RALGAPA2: variants seen among roughly 807,000 people sequenced by gnomAD.
RALGAPA2 encodes the protein Ral GTPase activating protein catalytic subunit alpha 2.
A neutral mutation model predicts 230.4 loss-of-function variants in RALGAPA2; 139 were observed. The observed-to-expected ratio is 0.60, with a 90% CI of 0.53 to 0.69. The LOEUF is 0.69. Ranked by LOEUF, RALGAPA2 falls within the 30% of genes least tolerant of loss-of-function variation. The pLI, the probability that RALGAPA2 is intolerant of heterozygous loss-of-function variation, is 0.00. For synonymous variants in RALGAPA2, 847 were observed against 837.8 expected, an observed-to-expected ratio of 1.01 and a Z score of -0.19; for missense variants, 2,163 against 2,276.0, an observed-to-expected ratio of 0.95 and a Z score of 1.01.
In RALGAPA2 at chr20:20,398,514, T is replaced by C. The variant is rs2059764895; in HGVS notation, c.5618-1780A>G. 6.6e-6 allele frequency among the ~76,000 whole-genome samples: 1 copy of C among 152,162 alleles called. No homozygotes were observed. Among genetic ancestry groups the C allele is most frequent in the African/African-American group, 2.4e-5 (1 of 41,440 alleles). On this transcript the variant is annotated intron_variant, in intron 38 of 39. Coordinates refer to ENST00000202677, the MANE Select transcript of RALGAPA2 (RefSeq NM_020343.4). The surrounding 1 kb of genome is among the most constrained non-coding windows in gnomAD (Gnocchi z 4.5). ...TTATTCCATGGGGCTCAAATGTCAC[T>C]TGCCCTTGACACACGGCGGTGCTCC...
chr20:20,556,095 T>C (rs1470849416), intron 23 of RALGAPA2, among the ~76,000 whole-genome samples: 3 of 152,190 alleles, frequency 2.0e-5, no homozygotes, highest in African/African-American at 7.2e-5. Flanking sequence ...GCAACCTTTT[T>C]GCAATATATT....
At chr20:20,694,512 G>A (rs1002918898) in intron 1 of RALGAPA2, among the ~76,000 whole-genome samples, 1 of 152,124 alleles carries the variant, frequency 6.6e-6, no homozygotes, top group African/African-American at 2.4e-5. Context: ...ACAAGAAAAC[G>A]AAGGCCCTTC....
chr20:20,457,372 C>A (rs1261111593), intron 37 of RALGAPA2, among the ~76,000 whole-genome samples: 1 of 152,194 alleles, frequency 6.6e-6, no homozygotes, highest in African/African-American at 2.4e-5. Flanking sequence ...TTGTCGCACA[C>A]ACGAGTTTGC....
intron 37 of RALGAPA2, among the ~76,000 whole-genome samples, chr20:20,422,997 A>C (rs2060309648): frequency 6.6e-6 from 1 of 152,170 alleles, no homozygotes; most frequent in Non-Finnish European, 1.5e-5. Context: ...AGGTTTTAAA[A>C]CAGATGAACA....
Position 20,635,498 on chromosome 20 carries a change from T to A in RALGAPA2, c.925A>T (p.Thr309Ser). 1 of 1,600,262 alleles carries A rather than the reference T, an allele frequency of 6.2e-7. No homozygotes were observed. Among genetic ancestry groups the A allele is most frequent in the Non-Finnish European group, 8.5e-7 (1 of 1,174,924 alleles). ...ARVVFIKWIV[T>S]FFLEKKYLTA... ...AGATACTTTTTTTCCAAAAAGAAGG[T>A]TACAATCCACTTAATAAAAACAACA... is the stretch of plus-strand genomic sequence containing the variant. The change falls in exon 9 of 40, where the codon ACC becomes TCC. Residue 309 changes from threonine (T) to serine (S), a missense_variant. Coordinates refer to ENST00000202677, the MANE Select transcript of RALGAPA2 (RefSeq NM_020343.4).
chr20:20,687,110 G>T (rs977376762), intron 1 of RALGAPA2, among the ~76,000 whole-genome samples: 2 of 152,188 alleles, frequency 1.3e-5, no homozygotes, highest in Non-Finnish European at 2.9e-5. Flanking sequence ...GGCACTGAAG[G>T]CCTGATGATC....
At chr20:20,647,395 G>A (rs1383288232) in intron 4 of RALGAPA2, among the ~76,000 whole-genome samples, 1 of 151,258 alleles carries the variant, frequency 6.6e-6, no homozygotes, top group South Asian at 2.1e-4. Context: ...AATACGAACA[G>A]AGAACTTCCT....
rs2122568238 is a variant in RALGAPA2, at chr20:20,391,458, G to A, written c.*1831C>T. 1 of 152,322 alleles carries A rather than the reference G, an allele frequency of 6.6e-6. No individual in the cohort carries two copies. Among genetic ancestry groups the A allele is most frequent in the East Asian group, 1.9e-4 (1 of 5,166 alleles). The allele number at this position is 152,322 out of a possible 1,614,324, so 9.4% of individuals were successfully genotyped here. On this transcript the variant is annotated 3_prime_UTR_variant, in exon 40 of 40. Coordinates refer to ENST00000202677, the MANE Select transcript of RALGAPA2 (RefSeq NM_020343.4). ...CTCTTCTGTTCAGGTGGTTCTCAAG[G>A]TGCTCCTGTCAGTGGGCCTGGCCTG...
intron 23 of RALGAPA2, among the ~76,000 whole-genome samples, chr20:20,556,778 T>C (rs1160056156): frequency 6.6e-6 from 1 of 152,036 alleles, no homozygotes; most frequent in Non-Finnish European, 1.5e-5. Flanking sequence ...TTGCCAAAGC[T>C]CAGGGATAAG....
intron 24 of RALGAPA2, among the ~76,000 whole-genome samples, chr20:20,545,574 T>C (rs1359634470): frequency 6.6e-6 from 1 of 152,186 alleles, no homozygotes; most frequent in African/African-American, 2.4e-5. Flanking sequence ...GAAAAAGTAA[T>C]CTCATATCAA....
intron 34 of RALGAPA2, 54 bp from the exon 35 acceptor site, chr20:20,503,560 C>A: frequency 2.2e-6 from 3 of 1,393,612 alleles, no homozygotes; most frequent in South Asian, 3.1e-5. Flanking sequence ...GCTGCTCTTT[C>A]ACTAAGCAGG....
chr20:20,425,935 AG>A (rs1202430334), intron 37 of RALGAPA2, among the ~76,000 whole-genome samples: 1 of 152,218 alleles, frequency 6.6e-6, no homozygotes, highest in Non-Finnish European at 1.5e-5. Context: ...TGGCTCACTT[AG>A]GAAGAAGCTA....
intron 23 of RALGAPA2, among the ~76,000 whole-genome samples, chr20:20,547,613 C>A (rs1229294765): frequency 1.3e-5 from 2 of 152,300 alleles, no homozygotes; most frequent in Admixed American, 1.3e-4. Flanking sequence ...CATGGCCAGG[C>A]CACATCTCTG....
intron 39 of RALGAPA2, among the ~76,000 whole-genome samples, chr20:20,394,301 A>G (rs1324044283): frequency 6.6e-6 from 1 of 152,120 alleles, no homozygotes; most frequent in South Asian, 2.1e-4. Context: ...GTACTTTCAG[A>G]GTCCAGGGGC....
In RALGAPA2 at chr20:20,601,697, G is replaced by A. The variant is rs368303702; in HGVS notation, c.2188C>T (p.Arg730Cys). Residue 730 changes from arginine (R) to cysteine (C), a missense_variant, in exon 16 of 40, where the codon CGC (arginine) becomes TGC (cysteine). Coordinates refer to ENST00000202677, the MANE Select transcript of RALGAPA2 (RefSeq NM_020343.4). ...PGVEKARNIV[R>C]QKATEVEECQ... ...AAATGTTTACCAGTTGCTTTTTGGC[G>A]AACAATATTTCTTGCCTTTTCCACT... The A allele has an allele frequency of 2.9e-5, 46 of 1,609,152 alleles. No homozygotes were observed. The highest frequency in any genetic ancestry group is 2.7e-4 in the African/African-American group (20 of 74,592).
intron 6 of RALGAPA2, 38 bp downstream of exon 6, chr20:20,640,663 A>T: frequency 6.5e-7 from 1 of 1,548,666 alleles, no homozygotes. Flanking sequence ...TAAGTTCAAG[A>T]GTAATTTCAA....
chr20:20,442,160 G>A (rs1417535415), intron 37 of RALGAPA2, among the ~76,000 whole-genome samples: 1 of 152,250 alleles, frequency 6.6e-6, no homozygotes, highest in Non-Finnish European at 1.5e-5. Flanking sequence ...TCTTGGGCAA[G>A]TCATTCAGCT....
chr20:20,458,501 A>T (rs1406803307), intron 37 of RALGAPA2, among the ~76,000 whole-genome samples: 2 of 137,552 alleles, frequency 1.5e-5, no homozygotes, highest in African/African-American at 5.4e-5. Flanking sequence ...TATATATATT[A>T]TATATAATAT....
At chr20:20,590,274 G>C (rs2065249548) in intron 17 of RALGAPA2, among the ~76,000 whole-genome samples, 3 of 151,640 alleles carry the variant, frequency 2.0e-5, no homozygotes, top group African/African-American at 7.3e-5. Context: ...ATTCCTACAA[G>C]AAAAATGCAG....
Sources: allele counts gnomAD v4.1 joint callset (sites outside exome capture counted in the v4.1 genomes callset), GRCh38; gene constraint gnomAD v4.1.1; non-coding constraint Gnocchi (gnomAD v3.1); transcripts MANE v1.5; gene names NCBI Gene and HGNC (gene_info 2026-07-23, HGNC 2026-07-21).